MKRN2: variants seen among roughly 807,000 people sequenced by gnomAD.
MKRN2 encodes the protein makorin ring finger protein 2.
A neutral mutation model predicts 45.4 loss-of-function variants in MKRN2; 32 were observed. The observed-to-expected ratio is 0.70, with a 90% CI of 0.53 to 0.95. MKRN2 has a LOEUF of 0.95. Among genes scored for constraint, MKRN2 ranks in the 40% least tolerant of loss-of-function variants. MKRN2 has a pLI of 0.00. For missense variants in MKRN2, 526 were observed against 536.7 expected (o/e 0.98, Z 0.20); for synonymous variants, 206 against 192.4 (o/e 1.07, Z -0.59).
intron 1 of MKRN2, among the ~76,000 whole-genome samples, chr3:12,559,668 T>C (rs969104897): frequency 6.6e-6 from 1 of 152,318 alleles, no homozygotes; most frequent in African/African-American, 2.4e-5. Context: ...TGACTGCTCG[T>C]ACAGTTATGC....
chr3:12,569,279 A>G (rs1275638468), intron 2 of MKRN2, among the ~76,000 whole-genome samples: 1 of 151,150 alleles, frequency 6.6e-6, no homozygotes, highest in Non-Finnish European at 1.5e-5. Flanking sequence ...CAGCCTCCCA[A>G]GTAGCTGAGA....
Position 12,572,322 on chromosome 3 carries a change from G to C in MKRN2, c.591G>C (p.Arg197Ser). ...ACGGGGAGGTGTGTGAAATCTGTAG[G>C]CTGCAAGTCTTGCACCCATTCGACC... ...YLHGEVCEIC[R>S]LQVLHPFDPE... The change falls in exon 4 of 8, where the codon AGG (arginine) becomes AGC (serine). Residue 197 changes from arginine (R) to serine (S), a missense_variant. Physicochemically the swap from Arg to Ser is moderately radical, Grantham distance 110. Transcript: ENST00000170447. 1 of 1,609,458 alleles carries C rather than the reference G, an allele frequency of 6.2e-7. No individual in the cohort carries two copies. Among genetic ancestry groups the C allele is most frequent in the Non-Finnish European group, 8.5e-7 (1 of 1,176,540 alleles).
Position 12,557,112 on chromosome 3 carries a change from G to C in MKRN2, c.-39G>C, listed in dbSNP as rs2057980285. 10 of 1,492,716 alleles carry C rather than the reference G, an allele frequency of 6.7e-6. No individual in the cohort carries two copies. Among genetic ancestry groups the C allele is most frequent in the Non-Finnish European group, 8.9e-6 (10 of 1,123,832 alleles). 92.5% of individuals were successfully genotyped at this position (1,492,716 alleles called of 1,614,324 possible). A position where few individuals can be genotyped will look rare whatever the true frequency, so the allele number is the denominator to read the frequency against. ...AAGGCCGAGGCGGCAGCGGCTGCGA[G>C]AGGCGGCGGCACGACGACGGTCCCT... On this transcript the variant is annotated 5_prime_UTR_variant, in exon 1 of 8. Coordinates refer to ENST00000170447, the MANE Select transcript of MKRN2 (RefSeq NM_014160.5).
chr3:12,582,087 C>T (rs2058184714), intron 7 of MKRN2, 29 bp from the exon 8 acceptor site: 2 of 1,614,098 alleles, frequency 1.2e-6, no homozygotes, highest in Non-Finnish European at 1.7e-6. Flanking sequence ...TTAGCAGTAA[C>T]CAGGCATGTC....
rs1335899255 is a variant in MKRN2, at chr3:12,580,327, C to T, written c.969-1481C>T. On this transcript the variant is annotated intron_variant, in intron 6 of 7. Transcript: ENST00000170447. The stretch of plus-strand genomic sequence containing the variant: ...AAACTGCTCACGGTCATTTGAAGTC[C>T]GCTCAGAACTCCAGGCAAGCAGGGG... Among the ~76,000 whole-genome samples, 5 of 152,300 alleles carry T rather than the reference C, an allele frequency of 3.3e-5. No individual in the cohort carries two copies. In the South Asian group the frequency reaches 8.3e-4, roughly 25 times the overall value.
chr3:12,581,759 A>T, intron 6 of MKRN2, 49 bp from the exon 7 acceptor site: 1 of 1,603,944 alleles, frequency 6.2e-7, no homozygotes, highest in Non-Finnish European at 8.5e-7. Flanking sequence ...CCCAGTTTGG[A>T]CCCCTCATTT....
intron 5 of MKRN2, among the ~76,000 whole-genome samples, chr3:12,576,074 A>T (rs546461105): frequency 6.6e-6 from 1 of 152,290 alleles, no homozygotes; most frequent in East Asian, 1.9e-4. Flanking sequence ...ATAACTCTAC[A>T]TTAAACTGTT....
At chr3:12,569,156 T>G (rs2058084653) in intron 2 of MKRN2, among the ~76,000 whole-genome samples, 153 bp downstream of exon 2, 1 of 152,030 alleles carries the variant, frequency 6.6e-6, no homozygotes, top group Non-Finnish European at 1.5e-5. Context: ...ACCCTAAAAC[T>G]AATTTTCTTT....
chr3:12,579,805 T>A (rs1392363799), intron 6 of MKRN2, among the ~76,000 whole-genome samples: 3 of 152,064 alleles, frequency 2.0e-5, no homozygotes, highest in African/African-American at 7.2e-5. Flanking sequence ...CCATGGTCTT[T>A]AAGAACAGGT....
intron 3 of MKRN2, among the ~76,000 whole-genome samples, chr3:12,570,938 CTGTT>C (rs1364167339): frequency 6.7e-6 from 1 of 150,304 alleles, no homozygotes; most frequent in Admixed American, 6.6e-5. Flanking sequence ...GCATGTTTCA[CTGTT>C]TGACTTTTAG....
rs746318391 is a variant in MKRN2, at chr3:12,557,113, A to G, written c.-38A>G. The G allele has an allele frequency of 4.0e-6, 6 of 1,484,686 alleles. No homozygotes were observed. The South Asian group carries it at 7.6e-5, about 19-fold the overall frequency. 92.0% of individuals were successfully genotyped at this position (1,484,686 alleles called of 1,614,324 possible). ...AGGCCGAGGCGGCAGCGGCTGCGAGAGGCGGCGGCACGACGACGGTCCCTC... is the reference window on the plus strand; with the variant it reads ...AGGCCGAGGCGGCAGCGGCTGCGAGGGGCGGCGGCACGACGACGGTCCCTC... On this transcript the variant is annotated 5_prime_UTR_variant, in exon 1 of 8. Transcript: ENST00000170447.
At position 12,582,677 on chromosome 3, in the gene MKRN2, G is replaced by T. The variant is rs2058193520; in HGVS notation, c.*424G>T. The T allele has an allele frequency of 5.8e-6, 1 of 171,164 alleles. No homozygotes were observed. The highest frequency in any genetic ancestry group is 2.4e-5 in the African/African-American group (1 of 42,124). 10.6% of individuals were successfully genotyped at this position (171,164 alleles called of 1,614,324 possible). A position where few individuals can be genotyped will look rare whatever the true frequency, so the allele number is the denominator to read the frequency against. ...AGCCCTATAAAAGGATTCCTCTATA[G>T]TGTATTTCTCTAGTGTATTTAGTGT... is the stretch of plus-strand genomic sequence containing the variant. On this transcript the variant is annotated 3_prime_UTR_variant, in exon 8 of 8. Transcript: ENST00000170447.
intron 1 of MKRN2, among the ~76,000 whole-genome samples, chr3:12,561,504 G>A (rs769101106): frequency 2.0e-4 from 31 of 152,082 alleles, no homozygotes; most frequent in Non-Finnish European, 4.3e-4. Flanking sequence ...ATACAGTATT[G>A]GCTGGTGCAG....
intron 2 of MKRN2, among the ~76,000 whole-genome samples, chr3:12,569,794 T>G (rs1297233299): frequency 6.6e-6 from 1 of 152,216 alleles, no homozygotes; most frequent in Non-Finnish European, 1.5e-5. Flanking sequence ...TTTGGAACTT[T>G]CAGGTTCTCT....
intron 6 of MKRN2, among the ~76,000 whole-genome samples, chr3:12,581,058 C>A (rs1182778164): frequency 6.6e-6 from 1 of 151,818 alleles, no homozygotes; most frequent in Admixed American, 6.6e-5. Flanking sequence ...AACCAGAGTT[C>A]ATTTGAGCAA....
At chr3:12,568,674 G>C (rs1243018499) in intron 1 of MKRN2, among the ~76,000 whole-genome samples, 2 of 152,168 alleles carry the variant, frequency 1.3e-5, no homozygotes, top group Admixed American at 1.3e-4. Flanking sequence ...TTTCAGAAAA[G>C]CTGTCATTGA....
intron 1 of MKRN2, among the ~76,000 whole-genome samples, chr3:12,564,885 T>C (rs2058060770): frequency 6.6e-6 from 1 of 152,260 alleles, no homozygotes; most frequent in South Asian, 2.1e-4. Context: ...TGTGGTCTTT[T>C]GTGTCCAGCT....
intron 1 of MKRN2, among the ~76,000 whole-genome samples, chr3:12,566,454 T>TTC (rs34029961): frequency 5.9e-5 from 9 of 151,300 alleles, no homozygotes; most frequent in East Asian, 3.9e-4. Flanking sequence ...GCAAGTTTGT[T>TTC]TCTCTCTCTC....
intron 1 of MKRN2, among the ~76,000 whole-genome samples, chr3:12,568,285 C>CAAAAAA (rs1332863362): frequency 5.9e-5 from 9 of 152,020 alleles, no homozygotes; most frequent in African/African-American, 1.7e-4. Flanking sequence ...GACTCCATCT[C>CAAAAAA]AAAACAAAAA....
Sources: gnomAD v4.1 joint callset for allele counts (sites outside exome capture counted in the v4.1 genomes callset) on GRCh38, gnomAD v4.1.1 for gene constraint, MANE v1.5 for transcripts, NCBI Gene and HGNC (gene_info 2026-07-23, HGNC 2026-07-21) for gene names.